The following TMTC2 variants were observed in gnomAD, a reference collection of about 807,000 sequenced individuals.
The protein encoded by TMTC2 is protein O-mannosyl-transferase TMTC2.
A neutral mutation model predicts 82.4 loss-of-function variants in TMTC2; 43 were observed. The observed-to-expected ratio is 0.52, with a 90% CI of 0.41 to 0.67. TMTC2 has a LOEUF of 0.67. TMTC2 is among the 30% of genes least tolerant of loss of function. The probability of loss-of-function intolerance (pLI) is 0.00; values close to 1 mark genes in which losing one functional copy is unlikely to be tolerated. For synonymous variants in TMTC2, 408 were observed against 381.9 expected, an observed-to-expected ratio of 1.07 and a Z score of -0.80; for missense variants, 919 against 1,012.4, an observed-to-expected ratio of 0.91 and a Z score of 1.25.
At chr12:82,968,407 G>C (rs1016918373) in intron 7 of TMTC2, among the ~76,000 whole-genome samples, 1 of 152,150 alleles carries the variant, frequency 6.6e-6, no homozygotes, top group African/African-American at 2.4e-5. Flanking sequence ...GTAGATTTAT[G>C]AGTTGAATTA....
chr12:82,920,212 A>G (rs1358083545), intron 3 of TMTC2, among the ~76,000 whole-genome samples: 1 of 152,202 alleles, frequency 6.6e-6, no homozygotes, highest in Non-Finnish European at 1.5e-5. Flanking sequence ...AAAAATCTTA[A>G]AAAACTTTCT....
chr12:82,903,468 G>A (rs957177124), intron 3 of TMTC2, among the ~76,000 whole-genome samples: 6 of 152,164 alleles, frequency 3.9e-5, no homozygotes, highest in Non-Finnish European at 8.8e-5. Context: ...CTGGAGTGCA[G>A]TGGCGCGATC....
intron 1 of TMTC2, among the ~76,000 whole-genome samples, chr12:82,795,760 G>A (rs1013465323): frequency 6.6e-6 from 1 of 152,134 alleles, no homozygotes; most frequent in Admixed American, 6.5e-5. Context: ...TCATCTTGGA[G>A]GCAGAGAGCA....
At chr12:82,976,232 G>T (rs1304642399) in intron 7 of TMTC2, among the ~76,000 whole-genome samples, 1 of 151,838 alleles carries the variant, frequency 6.6e-6, no homozygotes, top group Non-Finnish European at 1.5e-5. Context: ...AGAACTTCAG[G>T]ATCCCTAGTT....
chr12:82,728,735 G>A (rs1020434627), intron 1 of TMTC2, among the ~76,000 whole-genome samples: 2 of 152,210 alleles, frequency 1.3e-5, no homozygotes, highest in African/African-American at 2.4e-5. Flanking sequence ...GGCCAAGGCC[G>A]GAGCCAGCTT....
At position 82,852,944 on chromosome 12, in the gene TMTC2, A is replaced by C. The variant is rs117084230; in HGVS notation, c.84-4066A>C. 5.4e-3 allele frequency among the ~76,000 whole-genome samples: 822 copies of C among 152,312 alleles called. 4 individuals are homozygous for C. The highest frequency in any genetic ancestry group is 8.7e-3 in the Non-Finnish European group (595 of 68,020). On this transcript the variant is annotated intron_variant, in intron 1 of 11. Transcript: ENST00000321196. ...TCATTGGTTAAATAAAATCCTACTTAAGCAGATAACACACATTGGAGAATT... is the reference window on the plus strand; with the variant it reads ...TCATTGGTTAAATAAAATCCTACTTCAGCAGATAACACACATTGGAGAATT...
At chr12:82,947,406 G>A (rs914697903) in intron 4 of TMTC2, among the ~76,000 whole-genome samples, 3 of 149,540 alleles carry the variant, frequency 2.0e-5, no homozygotes, top group African/African-American at 4.9e-5. Context: ...GCAGTGGCGC[G>A]ATCTCGGCTC....
intron 11 of TMTC2, among the ~76,000 whole-genome samples, chr12:83,084,982 C>T (rs1883603456): frequency 6.6e-6 from 1 of 152,162 alleles, no homozygotes. Flanking sequence ...GCTGTCAGTG[C>T]AGCTAGCCTA....
At chr12:82,719,319 C>T (rs1874078380) in intron 1 of TMTC2, among the ~76,000 whole-genome samples, 2 of 151,824 alleles carry the variant, frequency 1.3e-5, no homozygotes, top group South Asian at 4.1e-4. Flanking sequence ...GTCTCTAACT[C>T]CTGACCTCGT....
At chr12:82,746,229 T>C (rs1875683961) in intron 1 of TMTC2, among the ~76,000 whole-genome samples, 1 of 152,254 alleles carries the variant, frequency 6.6e-6, no homozygotes, top group African/African-American at 2.4e-5. Context: ...CTTATTCAGC[T>C]TTTGATTTGC....
intron 2 of TMTC2, among the ~76,000 whole-genome samples, chr12:82,866,474 C>A (rs899331658): frequency 6.6e-6 from 1 of 152,096 alleles, no homozygotes; most frequent in Non-Finnish European, 1.5e-5. Context: ...CTCAATACTC[C>A]GTCAGTGAAA....
rs1213023448 is a variant in TMTC2 at position 82,965,110 on chromosome 12, G to A, written c.1684+1G>A. 1 of 1,602,732 alleles carries A rather than the reference G, an allele frequency of 6.2e-7. No homozygotes were observed. The highest frequency in any genetic ancestry group is 8.5e-7 in the Non-Finnish European group (1 of 1,172,336). ...ATTGGGAGCAGGCCTACCCTGGCTT[G>A]TAAGTAATACTCAAGTGTTTATTTT... is the stretch of plus-strand genomic sequence containing the variant. On this transcript the variant is annotated splice_donor_variant, in intron 5 of 11. Transcript: ENST00000321196. LOFTEE classifies it high-confidence loss of function.
intron 1 of TMTC2, among the ~76,000 whole-genome samples, chr12:82,772,045 G>T (rs1290820828): frequency 6.6e-6 from 1 of 152,140 alleles, no homozygotes; most frequent in African/African-American, 2.4e-5. Context: ...ATTTAGATGT[G>T]TGTGTGTATG....
At chr12:83,043,396 T>C (rs1049172347) in intron 9 of TMTC2, among the ~76,000 whole-genome samples, 32 of 152,196 alleles carry the variant, frequency 2.1e-4, no homozygotes, top group African/African-American at 7.7e-4. Flanking sequence ...TGCACTCATC[T>C]TGTTACCACT....
chr12:82,789,523 T>G (rs1363307385), intron 1 of TMTC2, among the ~76,000 whole-genome samples: 1 of 152,152 alleles, frequency 6.6e-6, no homozygotes, highest in Admixed American at 6.5e-5. Flanking sequence ...TGATTAATAT[T>G]TATTTGAAGT....
chr12:82,922,747 A>C (rs1254403291), intron 3 of TMTC2, among the ~76,000 whole-genome samples: 1 of 152,332 alleles, frequency 6.6e-6, no homozygotes, highest in East Asian at 1.9e-4. Context: ...GGCATGAATC[A>C]ATTTTTAATA....
intron 1 of TMTC2, among the ~76,000 whole-genome samples, chr12:82,765,504 G>A (rs1021634661): frequency 4.6e-5 from 7 of 151,884 alleles, no homozygotes; most frequent in Non-Finnish European, 8.8e-5. Flanking sequence ...AAGAAACCCC[G>A]TCTCTACTAC....
At position 82,763,618 on chromosome 12, in the gene TMTC2, T is replaced by C. The variant is rs552809228; in HGVS notation, c.83+75949T>C. Among the ~76,000 whole-genome samples the C allele has an allele frequency of 3.9e-5, 6 of 152,366 alleles. No homozygotes were observed. The South Asian group carries it at 6.2e-4, about 16-fold the overall frequency. ...GGCTTTTCAAGTTATAAGAAAACATTGTCCACTGTTTTATCCTAATAAATT... is the reference window on the plus strand; with the variant it reads ...GGCTTTTCAAGTTATAAGAAAACATCGTCCACTGTTTTATCCTAATAAATT... On this transcript the variant is annotated intron_variant, in intron 1 of 11. Transcript: ENST00000321196.
In TMTC2 at chr12:82,791,894, AT is replaced by A. The variant is rs538128124; in HGVS notation, c.84-65115del. ...AGCTTTACCTCCACAGCCACTGCTT[AT>A]GCTATATCTTCATTGCTCTCCTACC... On this transcript the variant is annotated intron_variant, in intron 1 of 11. Transcript: ENST00000321196. Among the ~76,000 whole-genome samples the A allele has an allele frequency of 2.7e-3, 404 of 152,222 alleles. 4 individuals are homozygous for A. The highest frequency in any genetic ancestry group is 9.1e-3 in the African/African-American group (378 of 41,520).
Sources: allele counts gnomAD v4.1 joint callset (sites outside exome capture counted in the v4.1 genomes callset), GRCh38; gene constraint gnomAD v4.1.1; transcripts MANE v1.5; gene names NCBI Gene and HGNC (gene_info 2026-07-23, HGNC 2026-07-21).